The following ST6GALNAC6 variants were observed in gnomAD, a reference collection of about 807,000 sequenced individuals.
ST6GALNAC6 encodes alpha-N-acetylgalactosaminide alpha-2,6-sialyltransferase 6.
ST6GALNAC6 carries 19 observed loss-of-function variants against 34.3 expected under a neutral mutation model. The ratio of observed to expected loss-of-function variants is 0.55; its 90% CI spans 0.39 to 0.81. The LOEUF is 0.81. ST6GALNAC6 is among the 40% of genes least tolerant of loss of function. The pLI, the probability that ST6GALNAC6 is intolerant of heterozygous loss-of-function variation, is 0.00. For synonymous variants in ST6GALNAC6, 185 were observed against 182.1 expected, an observed-to-expected ratio of 1.02 and a Z score of -0.13; for missense variants, 377 against 467.7, an observed-to-expected ratio of 0.81 and a Z score of 1.79.
chr9:127,892,667 T>C (rs11790037), intron 4 of ST6GALNAC6, among the ~76,000 whole-genome samples: 31,370 of 152,198 alleles, frequency 0.21, 3,263 homozygotes, highest in South Asian at 0.29. Flanking sequence ...TTATAACCAG[T>C]CATTGTTTCT....
intron 5 of ST6GALNAC6, among the ~76,000 whole-genome samples, chr9:127,889,307 A>G (rs1056779525): frequency 2.0e-5 from 3 of 146,440 alleles, no homozygotes; most frequent in Admixed American, 1.4e-4. Context: ...AGATCACACC[A>G]CTGCACTCCA....
In ST6GALNAC6 at chr9:127,886,467, C is replaced by A; in HGVS notation, c.*132G>T. 1 of 1,459,826 alleles carries A rather than the reference C, an allele frequency of 6.9e-7. No individual in the cohort carries two copies. The highest frequency in any genetic ancestry group is 1.4e-5 in the South Asian group (1 of 70,016). The allele number at this position is 1,459,826 out of a possible 1,614,324, so 90.4% of individuals were successfully genotyped here. A position where few individuals can be genotyped will look rare whatever the true frequency, so the allele number is the denominator to read the frequency against. On this transcript the variant is annotated 3_prime_UTR_variant, in exon 7 of 7. Transcript: ENST00000373146. ...GGCCCTGATTGGCTGGAGGATACAT[C>A]CTCCTCAAGGCCCTGATTGGCTGGG... is the stretch of plus-strand genomic sequence containing the variant.
rs1170657309 is a variant in ST6GALNAC6, at chr9:127,890,075, G to A, written c.704+562C>T. ...GCCTCCTGAGTAGCTAGGACTACAG[G>A]TACAAGCCACCGCACACAGCTATTC... On this transcript the variant is annotated intron_variant, in intron 5 of 6. Transcript: ENST00000373146. This position sits in a 1 kb window ranked among gnomAD's most constrained non-coding sequence, Gnocchi z 4.3. Among the ~76,000 whole-genome samples the A allele has an allele frequency of 1.3e-5, 2 of 152,152 alleles. No homozygotes were observed. Among genetic ancestry groups the A allele is most frequent in the Non-Finnish European group, 1.5e-5 (1 of 68,032 alleles).
In ST6GALNAC6 at chr9:127,890,719, G is replaced by A; in HGVS notation, c.622C>T (p.Pro208Ser). 1 of 1,613,800 alleles carries A rather than the reference G, an allele frequency of 6.2e-7. No individual in the cohort carries two copies. Among genetic ancestry groups the A allele is most frequent in the Non-Finnish European group, 8.5e-7 (1 of 1,179,984 alleles). Residue 208 changes from proline (P) to serine (S), a missense_variant, in exon 5 of 7, where the codon CCC (proline) becomes TCC (serine). By Grantham distance (74) the Pro-to-Ser change is moderately conservative (BLOSUM62 -1). Coordinates refer to ENST00000373146, the MANE Select transcript of ST6GALNAC6 (RefSeq NM_013443.5). The surrounding 1 kb of genome is among the most constrained non-coding windows in gnomAD (Gnocchi z 4.3). ...GAGACGGCATATGCTTCCATGTTGG[G>A]GAACACCAGGCCCGCTCGCTGGATC... ...RVIQRAGLVFPNMEAYAVSPG... is the reference protein window; with the variant it reads ...RVIQRAGLVFSNMEAYAVSPG...
At chr9:127,896,827 T>C in intron 2 of ST6GALNAC6, 1 of 981,118 alleles carries the variant, frequency 1.0e-6, no homozygotes, top group South Asian at 4.7e-5. Context: ...GGAACTCCCC[T>C]ACGTCCTCCC....
intron 4 of ST6GALNAC6, among the ~76,000 whole-genome samples, chr9:127,891,746 G>T (rs998817379): frequency 7.9e-6 from 1 of 126,598 alleles, no homozygotes; most frequent in Non-Finnish European, 1.7e-5. Context: ...GGAGGGGGAG[G>T]GGAAGAAGAC....
Position 127,886,107 on chromosome 9 carries a change from C to T in ST6GALNAC6, c.*492G>A, listed in dbSNP as rs71497673. 5.7e-6 allele frequency: 1 copy of T among 174,138 alleles called. No individual in the cohort carries two copies. The highest frequency in any genetic ancestry group is 2.4e-5 in the African/African-American group (1 of 42,216). 10.8% of individuals were successfully genotyped at this position (174,138 alleles called of 1,614,324 possible). On this transcript the variant is annotated 3_prime_UTR_variant, in exon 7 of 7. Coordinates refer to ENST00000373146, the MANE Select transcript of ST6GALNAC6 (RefSeq NM_013443.5). ...GACCTCCCCACCGCCCCCACAACCTCCACAACCCCACAAATTCTCTGGCCG... is the reference window on the plus strand; with the variant it reads ...GACCTCCCCACCGCCCCCACAACCTTCACAACCCCACAAATTCTCTGGCCG...
intron 3 of ST6GALNAC6, among the ~76,000 whole-genome samples, chr9:127,895,949 C>G (rs1830425992): frequency 6.6e-6 from 1 of 152,230 alleles, no homozygotes; most frequent in Non-Finnish European, 1.5e-5. Context: ...ACCCCTCTCT[C>G]CTGCACAGCA....
chr9:127,898,504 G>A (rs1434655936), intron 1 of ST6GALNAC6, among the ~76,000 whole-genome samples: 2 of 152,224 alleles, frequency 1.3e-5, no homozygotes, highest in East Asian at 1.9e-4. Context: ...CACTGTTCAA[G>A]GCCCGCCTCT....
At chr9:127,899,360 G>C (rs1318916307) in intron 1 of ST6GALNAC6, 143 bp downstream of exon 1, 1 of 388,584 alleles carries the variant, frequency 2.6e-6, no homozygotes, top group Non-Finnish European at 3.5e-6. Flanking sequence ...CTACCAAGGG[G>C]GAAGGGGTCT....
intron 5 of ST6GALNAC6, among the ~76,000 whole-genome samples, chr9:127,889,073 G>A (rs959517461): frequency 6.6e-6 from 1 of 152,182 alleles, no homozygotes; most frequent in African/African-American, 2.4e-5. Context: ...AACAGGCTGG[G>A]CACGGTGGCT....
chr9:127,897,691 T>C (rs1830555680), intron 2 of ST6GALNAC6: 1 of 752,268 alleles, frequency 1.3e-6, no homozygotes, highest in Non-Finnish European at 2.0e-6. Context: ...AAGACAGGAG[T>C]CCAGAATCCT....
chr9:127,890,807 G>T lies in ST6GALNAC6; in HGVS notation c.534C>A (p.Thr178=), dbSNP rs538118202. ...TCGGGGGCCCCCAGAAGATGAACAC[G>T]GTTTCAGGGGTCCGGTTGACAAACT... ...PQEFVNRTPE[T]VFIFWGPPSK... is the part of the protein sequence containing the mutation. The change falls in exon 5 of 7, where the codon ACC becomes ACA. Residue 178 remains threonine (T), a synonymous_variant. Transcript: ENST00000373146. This position sits in a 1 kb window ranked among gnomAD's most constrained non-coding sequence, Gnocchi z 4.3. The T allele has an allele frequency of 6.2e-7, 1 of 1,613,726 alleles. No individual in the cohort carries two copies. The highest frequency in any genetic ancestry group is 1.1e-5 in the South Asian group (1 of 91,074).
chr9:127,894,826 GC>G, intron 3 of ST6GALNAC6, 135 bp from the exon 4 acceptor site: 2 of 824,294 alleles, frequency 2.4e-6, no homozygotes, highest in South Asian at 3.4e-5. Context: ...CTCCAGGAAG[GC>G]CTCCTTCAGC....
chr9:127,899,736 G>C (rs1395242777), upstream of ST6GALNAC6: 1 of 882,508 alleles, frequency 1.1e-6, no homozygotes, highest in Admixed American at 6.2e-5. Flanking sequence ...AAGGGGAGGC[G>C]GACCCGGGTG....
chr9:127,902,305 C>A (rs1398186704), upstream of ST6GALNAC6, among the ~76,000 whole-genome samples: 1 of 148,576 alleles, frequency 6.7e-6, no homozygotes, highest in Non-Finnish European at 1.5e-5. Context: ...ACTACAGGCG[C>A]GGGCCACCAC....
rs1063852 is a variant in ST6GALNAC6 at position 127,890,934 on chromosome 9, T to C, written c.407A>G (p.Asn136Ser). 1 of 1,614,168 alleles carries C rather than the reference T, an allele frequency of 6.2e-7. No individual in the cohort carries two copies. Among genetic ancestry groups the C allele is most frequent in the Non-Finnish European group, 8.5e-7 (1 of 1,180,014 alleles). The change falls in exon 5 of 7, where the codon AAT (asparagine) becomes AGT (serine). Residue 136 changes from asparagine (N) to serine (S), a missense_variant. Physicochemically the swap from Asn to Ser is conservative, Grantham distance 46. Transcript: ENST00000373146. The surrounding 1 kb of genome is among the most constrained non-coding windows in gnomAD (Gnocchi z 4.3). ...TGAGTAGCCAGTGGTGGGTGCATCA[T>C]TCATGCGGATTGTACACTCAGCCCG... ...IERAECTIRMNDAPTTGYSAD... is the reference protein window; with the variant it reads ...IERAECTIRMSDAPTTGYSAD...
chr9:127,904,906 C>G (rs1830877734), intron 1 of ST6GALNAC6: 1 of 152,436 alleles, frequency 6.6e-6, no homozygotes, highest in African/African-American at 2.4e-5. Context: ...CCTGTTCTCA[C>G]CTGGGTGTGT....
chr9:127,888,225 C>T (rs905026180), intron 5 of ST6GALNAC6, among the ~76,000 whole-genome samples: 2 of 152,168 alleles, frequency 1.3e-5, no homozygotes, highest in African/African-American at 4.8e-5. Context: ...AAAACTTAGC[C>T]AGGTGCAGTG....
Sources: gnomAD v4.1 joint callset for allele counts (sites outside exome capture counted in the v4.1 genomes callset) on GRCh38, gnomAD v4.1.1 for gene constraint, Gnocchi (gnomAD v3.1) non-coding constraint, MANE v1.5 for transcripts, NCBI Gene and HGNC (gene_info 2026-07-23, HGNC 2026-07-21) for gene names.